NLRP14: variants seen among roughly 807,000 people sequenced by gnomAD.
NLRP14 encodes the protein NACHT, LRR and PYD domains-containing protein 14.
In NLRP14, 105 loss-of-function variants were observed where a neutral mutation model predicts 94.7. The observed-to-expected ratio is 1.11, with a 90% CI of 0.95 to 1.30. The LOEUF (loss-of-function observed/expected upper bound fraction) is 1.30. Among genes scored for constraint, NLRP14 ranks in the 50% most tolerant of loss-of-function variants. The pLI is 0.00. For missense variants in NLRP14, 1,362 were observed against 1,254.1 expected, an observed-to-expected ratio of 1.09 and a Z score of -1.30; for synonymous variants, 508 against 459.9, an observed-to-expected ratio of 1.10 and a Z score of -1.34.
chr11:7,037,249 G>C (rs911542417), intron 1 of NLRP14, among the ~76,000 whole-genome samples: 7 of 152,040 alleles, frequency 4.6e-5, no homozygotes, highest in Non-Finnish European at 1.0e-4. Context: ...CTGTAATCTA[G>C]AATATTTTTA....
intron 1 of NLRP14, among the ~76,000 whole-genome samples, chr11:7,032,327 AAATC>A (rs796473068): frequency 3.6e-4 from 55 of 152,328 alleles, no homozygotes; most frequent in African/African-American, 1.3e-3. Flanking sequence ...TCATGACTAA[AAATC>A]AAGTGTGTGC....
chr11:7,079,107 T>C, the NLRP14 span, among the ~76,000 whole-genome samples: 1 of 152,242 alleles, frequency 6.6e-6, no homozygotes, highest in Non-Finnish European at 1.5e-5. Flanking sequence ...CTCTTCCTTG[T>C]CAGGACATAG....
chr11:7,089,737 A>C, the NLRP14 span: 2 of 1,545,846 alleles, frequency 1.3e-6, no homozygotes, highest in Admixed American at 1.9e-5. Flanking sequence ...CGCGACCCCT[A>C]CCTGGGCCCG....
At chr11:7,033,954 A>G (rs1295434957) in intron 1 of NLRP14, among the ~76,000 whole-genome samples, 10 of 152,192 alleles carry the variant, frequency 6.6e-5, no homozygotes, top group Admixed American at 6.5e-4. Context: ...TACGATCACA[A>G]TGACTTATGG....
In NLRP14 at chr11:7,062,404, T is replaced by G. The variant is rs748357007; in HGVS notation, c.2876T>G (p.Leu959Arg). ...LASVILNNPN[L>R]RSLDLGNNDL... ...TCTGTTATTTTGAATAACCCAAACC[T>G]GAGGAGCCTGGACCTTGGGAACAAC... is the stretch of plus-strand genomic sequence containing the variant. The change falls in exon 10 of 12, where the codon CTG (leucine) becomes CGG (arginine). Residue 959 changes from leucine (L) to arginine (R), a missense_variant. Physicochemically the swap from Leu to Arg is moderately radical, Grantham distance 102 (BLOSUM62 -2). Transcript: ENST00000299481. 6 of 1,613,076 alleles carry G rather than the reference T, an allele frequency of 3.7e-6. No individual in the cohort carries two copies. The highest frequency in any genetic ancestry group is 5.1e-6 in the Non-Finnish European group (6 of 1,179,274).
chr11:7,083,383 C>T, the NLRP14 span, among the ~76,000 whole-genome samples: 4 of 152,190 alleles, frequency 2.6e-5, no homozygotes, highest in Non-Finnish European at 4.4e-5. Context: ...AGGTGTTCCT[C>T]GGTCTGATGA....
chr11:7,049,314 A>T (rs1852405985), intron 5 of NLRP14, among the ~76,000 whole-genome samples: 1 of 152,204 alleles, frequency 6.6e-6, no homozygotes, highest in African/African-American at 2.4e-5. Flanking sequence ...AGTTGATGCT[A>T]ATTTTGAATT....
Position 7,065,784 on chromosome 11 carries a change from C to T in NLRP14, c.2975+3281C>T, listed in dbSNP as rs150610731. ...TGCAGGTTTGTTACATAGGTATACA[C>T]GTGCCACGGTGGTTTGCTGCACCCA... On this transcript the variant is annotated intron_variant, in intron 10 of 11. Coordinates refer to ENST00000299481, the MANE Select transcript of NLRP14 (RefSeq NM_176822.4). 4.0e-3 allele frequency among the ~76,000 whole-genome samples: 611 copies of T among 151,918 alleles called. 6 individuals are homozygous for T. The highest frequency in any genetic ancestry group is 0.014 in the African/African-American group (565 of 41,438).
intron 5 of NLRP14, among the ~76,000 whole-genome samples, chr11:7,047,042 A>G (rs774634333): frequency 2.0e-5 from 3 of 152,322 alleles, no homozygotes; most frequent in Admixed American, 2.0e-4. Flanking sequence ...AGCTGTTCAC[A>G]TGGGTTTTTC....
Position 7,058,340 on chromosome 11 carries a change from C to T in NLRP14, c.2523C>T (p.Ser841=), listed in dbSNP as rs1485823531. 1.2e-6 allele frequency: 2 copies of T among 1,612,586 alleles called. No individual in the cohort carries two copies. The highest frequency in any genetic ancestry group is 1.7e-6 in the Non-Finnish European group (2 of 1,178,918). Residue 841 remains serine, a synonymous_variant, in exon 8 of 12, where the codon AGC becomes AGT. Coordinates refer to ENST00000299481, the MANE Select transcript of NLRP14 (RefSeq NM_176822.4). ...AGTATCTTTCTTTGGCTCTCATCAG[C>T]AATAAAAGACTGACACATTTGTGCT... ...GCEYLSLALI[S]NKRLTHLCLA...
the NLRP14 span, chr11:7,089,784 A>T: frequency 1.3e-6 from 2 of 1,595,040 alleles, no homozygotes; most frequent in Middle Eastern, 1.7e-4. Flanking sequence ...CGGCTACTCG[A>T]GCCGAGACTA....
chr11:7,042,337 T>C (rs773308081), intron 3 of NLRP14, 51 bp from the exon 4 acceptor site: 3 of 1,485,006 alleles, frequency 2.0e-6, no homozygotes. Context: ...AGAATTTGTT[T>C]TGATCATGTG....
rs1303818176 is a variant in NLRP14 at position 7,070,334 on chromosome 11, T to G, written c.3024T>G (p.Ser1008=). Residue 1008 remains serine (S), a synonymous_variant, in exon 11 of 12, where the codon TCT becomes TCG. Coordinates refer to ENST00000299481, the MANE Select transcript of NLRP14 (RefSeq NM_176822.4). ...CTCTCTGCTGTCAAGATCTCTCCTCTGCTCTTATCTGCAACAAAAGACTGA... is the reference window on the plus strand; with the variant it reads ...CTCTCTGCTGTCAAGATCTCTCCTCGGCTCTTATCTGCAACAAAAGACTGA... ...LTSLCCQDLS[S]ALICNKRLIK... is the part of the protein sequence containing the mutation. 2.5e-6 allele frequency: 4 copies of G among 1,611,034 alleles called. No individual in the cohort carries two copies. In the Admixed American group the frequency reaches 6.7e-5, roughly 27 times the overall value.
chr11:7,075,413 A>G (rs1276523714), downstream of NLRP14, among the ~76,000 whole-genome samples: 1 of 152,244 alleles, frequency 6.6e-6, no homozygotes, highest in African/African-American at 2.4e-5. Flanking sequence ...CATTAATTGG[A>G]TGATGCAGAA....
the NLRP14 span, chr11:7,090,085 G>C: frequency 6.2e-7 from 1 of 1,611,568 alleles, no homozygotes; most frequent in Non-Finnish European, 8.5e-7. Flanking sequence ...TACAGCGGCG[G>C]CCGCGACAGT....
intron 10 of NLRP14, among the ~76,000 whole-genome samples, chr11:7,068,376 G>A (rs77466143): frequency 0.059 from 8,914 of 152,106 alleles, 348 homozygotes; most frequent in East Asian, 0.13. Flanking sequence ...AAATGACTGC[G>A]TTAACTTAAT....
At chr11:7,072,714 G>A (rs1288093203), downstream of NLRP14, among the ~76,000 whole-genome samples, 1 of 152,148 alleles carries the variant, frequency 6.6e-6, no homozygotes, top group Non-Finnish European at 1.5e-5. Context: ...CCCAGAGGAA[G>A]GTCATATACA....
At chr11:7,068,111 T>C (rs761015804) in intron 10 of NLRP14, among the ~76,000 whole-genome samples, 4 of 152,158 alleles carry the variant, frequency 2.6e-5, no homozygotes, top group East Asian at 1.9e-4. Context: ...TAATCATCTA[T>C]AGTGATGTGT....
chr11:7,057,663 G>A lies in NLRP14; in HGVS notation c.2292-14G>A. 6.2e-7 allele frequency: 1 copy of A among 1,610,746 alleles called. No individual in the cohort carries two copies. The highest frequency in any genetic ancestry group is 8.5e-7 in the Non-Finnish European group (1 of 1,177,586). Reference sequence around the variant, plus strand: ...AAGGAGTGGTCATTCCTGCTTTTCTGTGTTGTTTTCCAGGCTGGAATCTTG... The same window carrying A: ...AAGGAGTGGTCATTCCTGCTTTTCTATGTTGTTTTCCAGGCTGGAATCTTG... On this transcript the variant is annotated splice_polypyrimidine_tract_variant and intron_variant, in intron 6 of 11. Transcript: ENST00000299481.
Sources: allele counts gnomAD v4.1 joint callset (sites outside exome capture counted in the v4.1 genomes callset), GRCh38; gene constraint gnomAD v4.1.1; transcripts MANE v1.5; gene names NCBI Gene and HGNC (gene_info 2026-07-23, HGNC 2026-07-21).